UBTD1: variants seen among roughly 807,000 people sequenced by gnomAD.
UBTD1 encodes ubiquitin domain containing 1, also known as ubiquitin domain-containing protein 1.
Under a neutral mutation model 21.7 loss-of-function variants are expected in UBTD1, and 19 were observed. The ratio of observed to expected loss-of-function variants is 0.87; its 90% CI spans 0.61 to 1.28. The LOEUF (loss-of-function observed/expected upper bound fraction) is 1.28. Among genes scored for constraint, UBTD1 ranks in the 50% most tolerant of loss-of-function variants. The pLI is 0.00. For missense variants in UBTD1, 282 were observed against 315.1 expected (o/e 0.89, Z 0.80); for synonymous variants, 116 against 135.1 (o/e 0.86, Z 0.98).
chr10:97,566,290 A>G, intron 1 of UBTD1, among the ~76,000 whole-genome samples: 1 of 147,740 alleles, frequency 6.8e-6, no homozygotes, highest in East Asian at 2.0e-4. Flanking sequence ...TTTTTTTAAA[A>G]CTATTACCTT....
intron 1 of UBTD1, among the ~76,000 whole-genome samples, chr10:97,529,896 A>G (rs2040520014): frequency 6.6e-6 from 1 of 152,168 alleles, no homozygotes; most frequent in Non-Finnish European, 1.5e-5. Flanking sequence ...AGCCCAGAGT[A>G]GGCTCACACT....
intron 1 of UBTD1, among the ~76,000 whole-genome samples, chr10:97,532,187 A>G (rs933901380): frequency 6.6e-6 from 1 of 152,194 alleles, no homozygotes; most frequent in South Asian, 2.1e-4. Flanking sequence ...AGGCGCTCTC[A>G]GTCTGCCATC....
At chr10:97,522,372 G>A (rs184945568) in intron 1 of UBTD1, among the ~76,000 whole-genome samples, 22 of 152,296 alleles carry the variant, frequency 1.4e-4, no homozygotes, top group Admixed American at 1.3e-3. Context: ...AGCTCCCTCC[G>A]ATCAGTGTGA....
chr10:97,540,658 A>G (rs2040583145), intron 1 of UBTD1, among the ~76,000 whole-genome samples: 1 of 152,234 alleles, frequency 6.6e-6, no homozygotes, highest in Non-Finnish European at 1.5e-5. Flanking sequence ...TGCCTAAGTC[A>G]TGCACATAAG....
At chr10:97,557,131 C>T (rs1239748089) in intron 1 of UBTD1, among the ~76,000 whole-genome samples, 1 of 152,208 alleles carries the variant, frequency 6.6e-6, no homozygotes, top group East Asian at 1.9e-4. Flanking sequence ...GGTTCCAACA[C>T]AAATATAACA....
intron 1 of UBTD1, among the ~76,000 whole-genome samples, chr10:97,529,052 G>A (rs2040510817): frequency 6.6e-6 from 1 of 151,748 alleles, no homozygotes; most frequent in Non-Finnish European, 1.5e-5. Flanking sequence ...CTCAGACAGG[G>A]TGGCCAGGCA....
intron 1 of UBTD1, among the ~76,000 whole-genome samples, chr10:97,523,499 A>G (rs111654028): frequency 0.022 from 3,386 of 152,172 alleles, 137 homozygotes; most frequent in African/African-American, 0.077. Flanking sequence ...GCTTGGCTCC[A>G]GAGCCCAACT....
In UBTD1 at chr10:97,566,286, TA is replaced by T. The variant is rs34911218; in HGVS notation, c.71-1624del. Reference sequence around the variant, plus strand: ...ATATTGAGATTTTTTTTTTTTTTTTTAAAACTATTACCTTATTTATTTTTCT... The same window carrying T: ...ATATTGAGATTTTTTTTTTTTTTTTTAAACTATTACCTTATTTATTTTTCT... On this transcript the variant is annotated intron_variant, in intron 1 of 2. Transcript: ENST00000370664. Among the ~76,000 whole-genome samples the T allele has an allele frequency of 4.0e-3, 550 of 137,868 alleles. 6 individuals carry two copies. Among genetic ancestry groups the T allele is most frequent in the South Asian group, 7.3e-3 (32 of 4,382 alleles). The allele number at this position is 137,868 out of a possible 152,430, so 90.4% of individuals were successfully genotyped here. A position where few individuals can be genotyped will look rare whatever the true frequency, so the allele number is the denominator to read the frequency against.
chr10:97,505,187 A>G (rs1455339344), intron 1 of UBTD1, among the ~76,000 whole-genome samples: 2 of 152,212 alleles, frequency 1.3e-5, no homozygotes, highest in Admixed American at 6.5e-5. Context: ...TTTTAGAATC[A>G]TAGAATTTTA....
At chr10:97,565,251 T>C (rs945525865) in intron 1 of UBTD1, among the ~76,000 whole-genome samples, 1 of 152,250 alleles carries the variant, frequency 6.6e-6, no homozygotes, top group Non-Finnish European at 1.5e-5. Flanking sequence ...TGTAGCTTTA[T>C]AATTAATGCT....
intron 1 of UBTD1, among the ~76,000 whole-genome samples, chr10:97,529,828 A>G (rs1028395335): frequency 6.6e-6 from 1 of 151,952 alleles, no homozygotes; most frequent in Non-Finnish European, 1.5e-5. Context: ...CTTCATTCTG[A>G]CCACCTCCTG....
chr10:97,513,349 G>C (rs1053983772), intron 1 of UBTD1, among the ~76,000 whole-genome samples: 13 of 152,340 alleles, frequency 8.5e-5, no homozygotes, highest in African/African-American at 2.9e-4. Flanking sequence ...CAAGTGCTAA[G>C]TCATACAGTG....
chr10:97,548,892 C>T (rs1427097273), intron 1 of UBTD1, among the ~76,000 whole-genome samples: 1 of 152,224 alleles, frequency 6.6e-6, no homozygotes, highest in East Asian at 1.9e-4. Flanking sequence ...GATGGCTGGT[C>T]AGTGCCCAGC....
In UBTD1 at chr10:97,553,967, G is replaced by A. The variant is rs570374007; in HGVS notation, c.71-13947G>A. ...TAGCAAAGCTGGCTGCTGTTGTGTA[G>A]CGGGGAGGGGACCCTGAAGGCTACT... On this transcript the variant is annotated intron_variant, in intron 1 of 2. Transcript: ENST00000370664. 2.6e-5 allele frequency among the ~76,000 whole-genome samples: 4 copies of A among 152,336 alleles called. No individual in the cohort carries two copies. In the East Asian group the frequency reaches 5.8e-4, roughly 22 times the overall value.
At chr10:97,568,472 G>A (rs572580228) in intron 2 of UBTD1, among the ~76,000 whole-genome samples, 2 of 151,926 alleles carry the variant, frequency 1.3e-5, no homozygotes, top group South Asian at 4.2e-4. Context: ...GCTAGGCTGA[G>A]GCTCAGTGGT....
At chr10:97,543,168 G>A (rs1184275710) in intron 1 of UBTD1, among the ~76,000 whole-genome samples, 1 of 152,246 alleles carries the variant, frequency 6.6e-6, no homozygotes, top group African/African-American at 2.4e-5. Context: ...CGGACCCCGA[G>A]GGTCAGAAGA....
In UBTD1 at chr10:97,570,625, G is replaced by C. The variant is rs951419643; in HGVS notation, c.*102G>C. On this transcript the variant is annotated 3_prime_UTR_variant, in exon 3 of 3. Coordinates refer to ENST00000370664, the MANE Select transcript of UBTD1 (RefSeq NM_024954.5). The surrounding 1 kb of genome is among the most constrained non-coding windows in gnomAD (Gnocchi z 6.6). ...CATTTTCTTCAGGGGCCCTCCCCTC[G>C]GTGTGGCTGGTGGGTGAGCCGTGAA... The C allele has an allele frequency of 9.3e-6, 13 of 1,400,138 alleles. No homozygotes were observed. In the Admixed American group the frequency reaches 2.7e-4, roughly 30 times the overall value. The allele number at this position is 1,400,138 out of a possible 1,614,324, so 86.7% of individuals were successfully genotyped here.
At chr10:97,562,534 CCTT>C (rs1211290766) in intron 1 of UBTD1, among the ~76,000 whole-genome samples, 2 of 152,050 alleles carry the variant, frequency 1.3e-5, no homozygotes, top group Non-Finnish European at 2.9e-5. Context: ...TTACAAAGTA[CCTT>C]CTTAAGGGCA....
At chr10:97,520,741 C>T (rs537990563) in intron 1 of UBTD1, among the ~76,000 whole-genome samples, 1 of 152,284 alleles carries the variant, frequency 6.6e-6, no homozygotes, top group South Asian at 2.1e-4. Flanking sequence ...AAGATGCCTC[C>T]TCTGGGCAGG....
Sources: allele counts gnomAD v4.1 joint callset (sites outside exome capture counted in the v4.1 genomes callset), GRCh38; gene constraint gnomAD v4.1.1; non-coding constraint Gnocchi (gnomAD v3.1); transcripts MANE v1.5; gene names NCBI Gene and HGNC (gene_info 2026-07-23, HGNC 2026-07-21).